GGA1: variants seen among roughly 807,000 people sequenced by gnomAD.
GGA1 encodes the protein ADP-ribosylation factor-binding protein GGA1.
In GGA1, 18 loss-of-function variants were observed where a neutral mutation model predicts 76.9. The observed-to-expected ratio is 0.23, with a 90% CI of 0.16 to 0.35. The LOEUF is 0.35. Among genes scored for constraint, GGA1 ranks in the 10% least tolerant of loss-of-function variants. GGA1 has a pLI of 1.00. For synonymous variants in GGA1, 342 were observed against 354.7 expected (o/e 0.96, Z 0.40); for missense variants, 755 against 859.0 (o/e 0.88, Z 1.51).
intron 1 of GGA1, among the ~76,000 whole-genome samples, chr22:37,609,696 C>T (rs1029003572): frequency 4.6e-5 from 7 of 152,184 alleles, no homozygotes; most frequent in African/African-American, 1.2e-4. Context: ...TAACCCACAG[C>T]CCTGATGATC....
In GGA1 at chr22:37,631,017, G is replaced by A. The variant is rs770741459; in HGVS notation, c.1446G>A (p.Glu482=). ...ATSLLHTVSP[E]PPRPPQQPVP... ...GCCTTCTCCACACCGTGTCCCCAGA[G>A]CCCCCCAGGCCTCCGCAGCAGCCCG... Residue 482 remains glutamate, a synonymous_variant, in exon 14 of 17, where the codon GAG becomes GAA. Transcript: ENST00000343632. 12 of 1,613,192 alleles carry A rather than the reference G, an allele frequency of 7.4e-6. No individual in the cohort carries two copies. Among genetic ancestry groups the A allele is most frequent in the Admixed American group, 6.7e-5 (4 of 59,848 alleles).
At chr22:37,617,659 A>G (rs1397763303) in intron 3 of GGA1, 1 of 607,536 alleles carries the variant, frequency 1.6e-6, no homozygotes, top group Non-Finnish European at 2.1e-6. Flanking sequence ...TGATTGTGCC[A>G]CTGTACTCCA....
intron 3 of GGA1, chr22:37,618,145 A>T: frequency 3.6e-6 from 1 of 275,528 alleles, no homozygotes; most frequent in Non-Finnish European, 6.7e-6. Flanking sequence ...AAAAAGGAAA[A>T]ATAGTAAGAA....
In GGA1 at chr22:37,631,065, C is replaced by T. The variant is rs1234061469; in HGVS notation, c.1494C>T (p.Ala498=). The change falls in exon 14 of 17, where the codon GCC becomes GCT. Residue 498 remains alanine (A), a synonymous_variant. Transcript: ENST00000343632. The part of the protein sequence containing the change: ...QQPVPTELSL[A]SITVPLESIK... ...CCGTACCAACCGAGCTCTCACTGGCCAGCATCACTGTGCCCCTGGAGTCCA... is the reference window on the plus strand; with the variant it reads ...CCGTACCAACCGAGCTCTCACTGGCTAGCATCACTGTGCCCCTGGAGTCCA... 6.2e-7 allele frequency: 1 copy of T among 1,605,492 alleles called. No individual in the cohort carries two copies. Among genetic ancestry groups the T allele is most frequent in the Non-Finnish European group, 8.5e-7 (1 of 1,176,992 alleles).
At position 37,630,099 on chromosome 22, in the gene GGA1, G is replaced by T; in HGVS notation, c.1260G>T (p.Leu420=). ...CATCCCTGCCAGCAAGCAGCGGTCTGGACGACCTAGACCTCCTGGGGAAGA... is the reference window on the plus strand; with the variant it reads ...CATCCCTGCCAGCAAGCAGCGGTCTTGACGACCTAGACCTCCTGGGGAAGA... ...AQTSLPASSG[L]DDLDLLGKTL... is the part of the protein sequence containing the mutation. The change falls in exon 13 of 17, where the codon CTG becomes CTT. Residue 420 remains leucine (L), a synonymous_variant. Transcript: ENST00000343632. The T allele has an allele frequency of 6.2e-7, 1 of 1,610,646 alleles. No individual in the cohort carries two copies. The highest frequency in any genetic ancestry group is 8.5e-7 in the Non-Finnish European group (1 of 1,178,128).
At chr22:37,630,374 C>G (rs1417729210) in intron 13 of GGA1, 3 of 534,692 alleles carry the variant, frequency 5.6e-6, no homozygotes, top group South Asian at 4.7e-5. Context: ...TGGCCTCCCC[C>G]CAGGTGTTCC....
Position 37,621,620 on chromosome 22 carries a change from T to C in GGA1, c.533T>C (p.Leu178Pro). The stretch of plus-strand genomic sequence containing the variant: ...CACACCCCTCTGTCTCTGCAGATGC[T>C]GGCCCGCCTGCTGAAGAGCTCCCAT... ...IFEDEEKSKM[L>P]ARLLKSSHPE... Residue 178 changes from leucine to proline, a missense_variant, in exon 7 of 17, where the codon CTG becomes CCG. Transcript: ENST00000343632. The C allele has an allele frequency of 6.4e-7, 1 of 1,551,402 alleles. No homozygotes were observed. The highest frequency in any genetic ancestry group is 8.7e-7 in the Non-Finnish European group (1 of 1,146,538).
rs1388216298 is a variant in GGA1, at chr22:37,624,675, C to G, written c.833-294C>G. ...GAAGGCAGTAAGGGATGAAGCCATG[C>G]AGAGATCTGGGGCAGCCAGAGAGCA... On this transcript the variant is annotated intron_variant, in intron 9 of 16. Coordinates refer to ENST00000343632, the MANE Select transcript of GGA1 (RefSeq NM_013365.5). This position sits in a 1 kb window ranked among gnomAD's most constrained non-coding sequence, Gnocchi z 4.3. 2.9e-6 allele frequency: 1 copy of G among 349,790 alleles called. No homozygotes were observed. 21.7% of individuals were successfully genotyped at this position (349,790 alleles called of 1,614,324 possible). A position where few individuals can be genotyped will look rare whatever the true frequency, so the allele number is the denominator to read the frequency against.
chr22:37,623,020 G>A lies in GGA1; in HGVS notation c.610-307G>A, dbSNP rs1930172579. Among the ~76,000 whole-genome samples the A allele has an allele frequency of 6.6e-6, 1 of 152,228 alleles. No homozygotes were observed. On this transcript the variant is annotated intron_variant, in intron 7 of 16. Coordinates refer to ENST00000343632, the MANE Select transcript of GGA1 (RefSeq NM_013365.5). The surrounding 1 kb of genome is among the most constrained non-coding windows in gnomAD (Gnocchi z 4.6). ...GGCAAGAGTCACTGAGAACCACAGTGGAGGTCTAGGGCCCTGGGCCTTCAG... is the reference window on the plus strand; with the variant it reads ...GGCAAGAGTCACTGAGAACCACAGTAGAGGTCTAGGGCCCTGGGCCTTCAG...
At chr22:37,609,185 G>A (rs1926977212) in intron 1 of GGA1, 4 of 1,405,218 alleles carry the variant, frequency 2.8e-6, no homozygotes, top group Non-Finnish European at 3.7e-6. Flanking sequence ...CCGGGACGGA[G>A]AGAGCAGCCT....
chr22:37,628,477 C>T (rs994199285), intron 11 of GGA1, among the ~76,000 whole-genome samples: 1 of 152,330 alleles, frequency 6.6e-6, no homozygotes, highest in African/African-American at 2.4e-5. Flanking sequence ...CAGACTCTGC[C>T]ACTTTCTAGC....
Position 37,630,919 on chromosome 22 carries a change from A to AC in GGA1, c.1354dup (p.Arg452ProfsTer10). The stretch of plus-strand genomic sequence containing the variant: ...CCGATTAAGGGAGAAGCAGCAGCCA[A>AC]CCCCCCGGCTCACACTCCGGGACCT... On this transcript the variant is annotated frameshift_variant, in exon 14 of 17. Transcript: ENST00000343632. LOFTEE classifies it high-confidence loss of function. 1.2e-6 allele frequency: 2 copies of AC among 1,610,116 alleles called. No homozygotes were observed. The highest frequency in any genetic ancestry group is 1.7e-6 in the Non-Finnish European group (2 of 1,178,802).
At chr22:37,620,031 G>C (rs1212753420) in intron 4 of GGA1, 1 of 634,070 alleles carries the variant, frequency 1.6e-6, no homozygotes, top group Non-Finnish European at 2.8e-6. Flanking sequence ...TGGGGAAACA[G>C]ACACTGAGGG....
intron 2 of GGA1, among the ~76,000 whole-genome samples, chr22:37,616,614 C>G (rs1248456025): frequency 6.6e-6 from 1 of 152,216 alleles, no homozygotes; most frequent in Non-Finnish European, 1.5e-5. Context: ...CGTGACACAT[C>G]AGAGTTCTTA....
chr22:37,613,071 G>A, intron 1 of GGA1: 1 of 985,344 alleles, frequency 1.0e-6, no homozygotes, highest in Non-Finnish European at 1.2e-6. Context: ...GCCGTAGCAG[G>A]CTGGGGGACA....
At chr22:37,609,312 C>T (rs1927020934) in intron 1 of GGA1, 1 of 1,109,604 alleles carries the variant, frequency 9.0e-7, no homozygotes, top group Non-Finnish European at 1.1e-6. Flanking sequence ...ATTTTCAGGC[C>T]CCGAATCCTC....
chr22:37,616,247 C>A (rs535939891), intron 2 of GGA1, among the ~76,000 whole-genome samples: 2 of 152,250 alleles, frequency 1.3e-5, no homozygotes, highest in African/African-American at 2.4e-5. Context: ...CGAGTCCTGT[C>A]CCCTCTCTTA....
At chr22:37,628,968 AG>A (rs370494972) in intron 11 of GGA1, among the ~76,000 whole-genome samples, 1 of 152,322 alleles carries the variant, frequency 6.6e-6, no homozygotes, top group African/African-American at 2.4e-5. Context: ...GAGGGCCTTC[AG>A]CGTCGCCTCC....
At chr22:37,628,619 A>T (rs1343164317) in intron 11 of GGA1, among the ~76,000 whole-genome samples, 2 of 152,228 alleles carry the variant, frequency 1.3e-5, no homozygotes, top group Non-Finnish European at 2.9e-5. Context: ...AAGGGCCTGA[A>T]GCATCTAGGG....
Sources: gnomAD v4.1 joint callset for allele counts (sites outside exome capture counted in the v4.1 genomes callset) on GRCh38, gnomAD v4.1.1 for gene constraint, Gnocchi (gnomAD v3.1) non-coding constraint, MANE v1.5 for transcripts, NCBI Gene and HGNC (gene_info 2026-07-23, HGNC 2026-07-21) for gene names.